The following PCDH17 variants were observed in gnomAD, a reference collection of about 807,000 sequenced individuals.
PCDH17 encodes the protein protocadherin 17.
A neutral mutation model predicts 67.7 loss-of-function variants in PCDH17; 21 were observed. That is an observed-to-expected ratio of 0.31 (90% confidence interval 0.22 to 0.45). The LOEUF (loss-of-function observed/expected upper bound fraction) is 0.45. Ranked by LOEUF, PCDH17 falls within the 20% of genes least tolerant of loss-of-function variation. The pLI, the probability that PCDH17 is intolerant of heterozygous loss-of-function variation, is 1.00. For synonymous variants in PCDH17, 701 were observed against 656.7 expected (o/e 1.07, Z -1.03); for missense variants, 1,471 against 1,564.8 (o/e 0.94, Z 1.01).
chr13:57,717,986 A>G (rs868569315), intron 3 of PCDH17, among the ~76,000 whole-genome samples: 2 of 151,968 alleles, frequency 1.3e-5, no homozygotes, highest in African/African-American at 2.4e-5. Flanking sequence ...AGACAACCTC[A>G]TGAAATAAGC....
chr13:57,723,514 C>A (rs1955888358), intron 3 of PCDH17, among the ~76,000 whole-genome samples: 1 of 152,076 alleles, frequency 6.6e-6, no homozygotes, highest in Non-Finnish European at 1.5e-5. Flanking sequence ...TCATCTAGCA[C>A]CAATTAAATG....
chr13:57,690,932 T>C (rs574306680), intron 3 of PCDH17, among the ~76,000 whole-genome samples: 1 of 151,618 alleles, frequency 6.6e-6, no homozygotes, highest in East Asian at 1.9e-4. Flanking sequence ...TGATATCCCT[T>C]GTGGTTTTTA....
At chr13:57,690,158 A>G (rs1485878722) in intron 3 of PCDH17, among the ~76,000 whole-genome samples, 4 of 151,754 alleles carry the variant, frequency 2.6e-5, no homozygotes, top group African/African-American at 7.2e-5. Context: ...TATATTTCAT[A>G]TTAGGTTTTT....
At chr13:57,636,469 A>G (rs1020793645) in intron 1 of PCDH17, among the ~76,000 whole-genome samples, 1 of 152,216 alleles carries the variant, frequency 6.6e-6, no homozygotes, top group Non-Finnish European at 1.5e-5. Context: ...ACTAATACTT[A>G]GCAAAATATA....
intron 1 of PCDH17, among the ~76,000 whole-genome samples, chr13:57,664,298 C>A (rs1303481970): frequency 6.6e-6 from 1 of 152,136 alleles, no homozygotes; most frequent in Non-Finnish European, 1.5e-5. Context: ...CAATATTTGG[C>A]TGCAGTACCG....
chr13:57,703,611 C>A (rs549383148), intron 3 of PCDH17, among the ~76,000 whole-genome samples: 37 of 152,108 alleles, frequency 2.4e-4, no homozygotes, highest in African/African-American at 8.2e-4. Context: ...AATTAATTAG[C>A]CTGAGTTAGT....
rs772772241 is a variant in PCDH17 at position 57,725,140 on chromosome 13, G to A, written c.3326G>A (p.Arg1109Gln). 73 of 1,614,040 alleles carry A rather than the reference G, an allele frequency of 4.5e-5. No individual in the cohort carries two copies. Among genetic ancestry groups the A allele is most frequent in the South Asian group, 5.5e-5 (5 of 91,088 alleles). The change falls in exon 4 of 4, where the codon CGG becomes CAG. Residue 1109 changes from arginine to glutamine, a missense_variant. Around this residue, in one of 3 missense-constraint regions of PCDH17, gnomAD observed 297 missense variants for 298.6 expected, o/e 0.99. Coordinates refer to ENST00000377918, the MANE Select transcript of PCDH17 (RefSeq NM_001040429.3). ...GCAGATGTGCATTCCAGAGCCAGCC[G>A]GGATTCCAGTGAGATGGGTGCTGTT... ...VFADVHSRAS[R>Q]DSSEMGAVLE...
intron 3 of PCDH17, among the ~76,000 whole-genome samples, chr13:57,701,940 T>C (rs1180604510): frequency 6.6e-6 from 1 of 151,982 alleles, no homozygotes; most frequent in African/African-American, 2.4e-5. Context: ...TTTTTTTGGA[T>C]GGAGTCTTGC....
Position 57,632,706 on chromosome 13 carries a change from G to T in PCDH17, c.160G>T (p.Gly54Cys). The change falls in exon 1 of 4, where the codon GGC becomes TGC. Residue 54 changes from glycine (G) to cysteine (C), a missense_variant. Physicochemically the swap from Gly to Cys is radical, Grantham distance 159 (BLOSUM62 -3). Transcript: ENST00000377918. ...GCCTGGGCTTCCGCCTGCAGAGCGC[G>T]GCGGCGGAGGGCGCAGCAAGTCGGG... ...LQPGLPPAER[G>C]GGGRSKSGSY... 6.2e-7 allele frequency: 1 copy of T among 1,611,370 alleles called. No homozygotes were observed. The highest frequency in any genetic ancestry group is 8.5e-7 in the Non-Finnish European group (1 of 1,179,880).
rs558236128 is a variant in PCDH17, at chr13:57,683,516, T to G, written c.2797+16683T>G. Among the ~76,000 whole-genome samples, 9 of 151,958 alleles carry G rather than the reference T, an allele frequency of 5.9e-5. No individual in the cohort carries two copies. In the East Asian group the frequency reaches 1.8e-3, roughly 30 times the overall value. The stretch of plus-strand genomic sequence containing the variant: ...TGAGAGAAAGATAGAAAAACTTAGG[T>G]TAGGTTTTGATTGCCTTTAACTGAT... On this transcript the variant is annotated intron_variant, in intron 3 of 3. Transcript: ENST00000377918.
At chr13:57,704,281 C>T (rs1955695571) in intron 3 of PCDH17, among the ~76,000 whole-genome samples, 1 of 152,036 alleles carries the variant, frequency 6.6e-6, no homozygotes, top group Non-Finnish European at 1.5e-5. Context: ...ATGATGATTA[C>T]ATGGCTTATT....
intron 3 of PCDH17, among the ~76,000 whole-genome samples, chr13:57,701,039 T>C (rs1955658514): frequency 6.6e-6 from 1 of 152,104 alleles, no homozygotes; most frequent in South Asian, 2.1e-4. Context: ...AATAATGTCC[T>C]TCTTTTGAGT....
intron 1 of PCDH17, among the ~76,000 whole-genome samples, chr13:57,657,069 G>T (rs1745903883): frequency 2.0e-5 from 3 of 151,690 alleles, no homozygotes; most frequent in Non-Finnish European, 2.9e-5. Flanking sequence ...AACTTTTTTC[G>T]AGATTCATAA....
chr13:57,656,689 T>A (rs565119310), intron 1 of PCDH17, among the ~76,000 whole-genome samples: 62 of 152,234 alleles, frequency 4.1e-4, no homozygotes, highest in Middle Eastern at 3.4e-3. Flanking sequence ...TCTCCAGAGA[T>A]AAGTCTGGCT....
At chr13:57,713,576 G>T in intron 3 of PCDH17, among the ~76,000 whole-genome samples, 1 of 151,596 alleles carries the variant, frequency 6.6e-6, no homozygotes, top group Middle Eastern at 3.4e-3. Flanking sequence ...GATCAAGGCC[G>T]AATTGTTTAG....
chr13:57,631,722 C>T (rs952971152), upstream of PCDH17: 8 of 152,132 alleles, frequency 5.3e-5, no homozygotes, highest in African/African-American at 1.9e-4. Context: ...AACTACAAAT[C>T]GGGACACTAG....
chr13:57,671,669 G>T (rs74079914), intron 3 of PCDH17, among the ~76,000 whole-genome samples: 13 of 152,158 alleles, frequency 8.5e-5, no homozygotes, highest in African/African-American at 3.1e-4. Flanking sequence ...GTCCTTATAA[G>T]TGCTTACCAG....
In PCDH17 at chr13:57,725,039, C is replaced by G; in HGVS notation, c.3225C>G (p.Asp1075Glu). The part of the protein sequence containing the change: ...AEASSQYLPT[D>E]SQYLSPSKQP... Reference sequence around the variant, plus strand: ...CAAGCAGTCAGTACTTGCCCACTGACAGTCAATATCTGTCACCTAGTAAGC... The same window carrying G: ...CAAGCAGTCAGTACTTGCCCACTGAGAGTCAATATCTGTCACCTAGTAAGC... The change falls in exon 4 of 4, where the codon GAC (aspartate) becomes GAG (glutamate). Residue 1075 changes from aspartate to glutamate, a missense_variant. Coordinates refer to ENST00000377918, the MANE Select transcript of PCDH17 (RefSeq NM_001040429.3). The G allele has an allele frequency of 6.2e-7, 1 of 1,614,162 alleles. No individual in the cohort carries two copies. Among genetic ancestry groups the G allele is most frequent in the Non-Finnish European group, 8.5e-7 (1 of 1,180,014 alleles).
intron 1 of PCDH17, among the ~76,000 whole-genome samples, chr13:57,663,016 G>C (rs1231014359): frequency 6.6e-6 from 1 of 151,998 alleles, no homozygotes; most frequent in Non-Finnish European, 1.5e-5. Flanking sequence ...GTTTTGTTAT[G>C]ATCAAATAAT....
Sources: allele counts gnomAD v4.1 joint callset (sites outside exome capture counted in the v4.1 genomes callset), GRCh38; gene constraint gnomAD v4.1.1; regional missense constraint gnomAD v4.1.1; transcripts MANE v1.5; gene names NCBI Gene and HGNC (gene_info 2026-07-23, HGNC 2026-07-21).